TUBB8: variants seen among roughly 807,000 people sequenced by gnomAD.
TUBB8 encodes the protein tubulin beta 8 class VIII.
In TUBB8, 25 loss-of-function variants were observed where a neutral mutation model predicts 33.7. The observed-to-expected ratio is 0.74, with a 90% confidence interval of 0.54 to 1.04. The LOEUF is 1.04. Among genes scored for constraint, TUBB8 ranks in the 50% least tolerant of loss-of-function variants. TUBB8 has a pLI of 0.00. For synonymous variants in TUBB8, 245 were observed against 240.1 expected, an observed-to-expected ratio of 1.02 and a Z score of -0.19; for missense variants, 279 against 608.0, an observed-to-expected ratio of 0.46 and a Z score of 5.69.
At position 47,641 on chromosome 10, in the gene TUBB8, G is replaced by T. The variant is rs782167952; in HGVS notation, c.751C>A (p.Arg251=). 2.4e-5 allele frequency: 39 copies of T among 1,609,196 alleles called. No homozygotes were observed. Among genetic ancestry groups the T allele is most frequent in the Non-Finnish European group, 3.0e-5 (35 of 1,178,916 alleles). ...GGGACCATGTTCACGGCCAGCTTCC[G>T]CAGGTCAGCATTCAGCTGGCCCGGG... The part of the protein sequence containing the change: ...RFPGQLNADL[R]KLAVNMVPFP... The change falls in exon 4 of 4, where the codon CGG becomes AGG. Residue 251 remains arginine, a synonymous_variant. Coordinates refer to ENST00000568584, the MANE Select transcript of TUBB8 (RefSeq NM_177987.3).
intron 1 of TUBB8, among the ~76,000 whole-genome samples, chr10:69,444 T>A (rs1337837110): frequency 1.1e-4 from 17 of 152,240 alleles, no homozygotes; most frequent in African/African-American, 3.9e-4. Flanking sequence ...AAGTTAATAA[T>A]GTGGTTTTTC....
At chr10:55,213 G>C (rs528372406) in intron 1 of TUBB8, among the ~76,000 whole-genome samples, 2 of 152,322 alleles carry the variant, frequency 1.3e-5, no homozygotes, top group East Asian at 3.9e-4. Flanking sequence ...AGGGGGAAGA[G>C]CCCCTTATAA....
intron 1 of TUBB8, among the ~76,000 whole-genome samples, chr10:69,640 C>G (rs1427019503): frequency 2.6e-5 from 4 of 152,072 alleles, no homozygotes; most frequent in Non-Finnish European, 5.9e-5. Flanking sequence ...TAAGAACACA[C>G]TGGGCCGGGC....
At chr10:72,814 T>C (rs1834755574) in intron 1 of TUBB8, among the ~76,000 whole-genome samples, 1 of 148,992 alleles carries the variant, frequency 6.7e-6, no homozygotes, top group South Asian at 2.1e-4. Context: ...CTCACGCCAC[T>C]GCACTCCAGC....
At chr10:67,626 G>C (rs1374711479) in intron 1 of TUBB8, among the ~76,000 whole-genome samples, 2 of 152,110 alleles carry the variant, frequency 1.3e-5, no homozygotes, top group African/African-American at 2.4e-5. Context: ...GGGTTTCACC[G>C]TGTTAGCCAG....
chr10:49,433 C>G (rs1834435937), upstream of TUBB8: 1 of 711,788 alleles, frequency 1.4e-6, no homozygotes, highest in South Asian at 1.5e-5. Context: ...CGCTGAACAT[C>G]TGTTGGAAAG....
In TUBB8 at chr10:47,618, G is replaced by A. The variant is rs782370452; in HGVS notation, c.774C>T (p.Val258=). The part of the protein sequence containing the change: ...ADLRKLAVNM[V]PFPRLHFFMP... Reference sequence around the variant, plus strand: ...TGAAGAAATGCAGCCGGGGAAACGGGACCATGTTCACGGCCAGCTTCCGCA... The same window carrying A: ...TGAAGAAATGCAGCCGGGGAAACGGAACCATGTTCACGGCCAGCTTCCGCA... The change falls in exon 4 of 4, where the codon GTC becomes GTT. Residue 258 remains valine (V), a synonymous_variant. Transcript: ENST00000568584. 9.9e-6 allele frequency: 16 copies of A among 1,611,128 alleles called. No individual in the cohort carries two copies. Among genetic ancestry groups the A allele is most frequent in the East Asian group, 2.2e-5 (1 of 44,850 alleles).
At chr10:49,466 T>C (rs112568555), upstream of TUBB8, 137 of 674,646 alleles carry the variant, frequency 2.0e-4, 1 homozygote, top group Middle Eastern at 2.3e-3. Flanking sequence ...TGCGTGGTCC[T>C]TTCCACGTTG....
At chr10:63,769 T>A (rs1834631981) in intron 1 of TUBB8, among the ~76,000 whole-genome samples, 1 of 152,250 alleles carries the variant, frequency 6.6e-6, no homozygotes, top group Non-Finnish European at 1.5e-5. Flanking sequence ...CATATCTCTA[T>A]TTTTCCAGGA....
chr10:66,544 G>A (rs545909237), intron 1 of TUBB8, among the ~76,000 whole-genome samples: 2 of 152,344 alleles, frequency 1.3e-5, no homozygotes, highest in Admixed American at 1.3e-4. Context: ...AGTTACTCGG[G>A]TGACAGAGGA....
chr10:68,322 C>T (rs537342179), intron 1 of TUBB8, among the ~76,000 whole-genome samples: 2 of 152,310 alleles, frequency 1.3e-5, no homozygotes, highest in South Asian at 2.1e-4. Context: ...ACTCATAAGA[C>T]TGATGGGACA....
At chr10:57,605 G>A (rs112059373) in intron 1 of TUBB8, among the ~76,000 whole-genome samples, 2 of 150,110 alleles carry the variant, frequency 1.3e-5, no homozygotes, top group Admixed American at 6.6e-5. Flanking sequence ...AGTTGTAACT[G>A]GGCCAATTTG....
upstream of TUBB8, among the ~76,000 whole-genome samples, chr10:51,337 C>T (rs1834466549): frequency 6.6e-6 from 1 of 152,136 alleles, no homozygotes; most frequent in Non-Finnish European, 1.5e-5. Flanking sequence ...TCAATCTCCT[C>T]ACCTCAGGTC....
chr10:51,550 G>A (rs1834468705), upstream of TUBB8, among the ~76,000 whole-genome samples: 2 of 152,178 alleles, frequency 1.3e-5, no homozygotes, highest in Non-Finnish European at 2.9e-5. Flanking sequence ...AAATTACCCA[G>A]CCTCAGATAT....
chr10:49,848 T>A, upstream of TUBB8: 1 of 272,858 alleles, frequency 3.7e-6, no homozygotes, highest in Non-Finnish European at 7.2e-6. Context: ...GACTGTGGTC[T>A]CCAGCAGAGT....
chr10:63,957 G>A (rs1228089427), intron 1 of TUBB8, among the ~76,000 whole-genome samples: 1 of 152,170 alleles, frequency 6.6e-6, no homozygotes, highest in Non-Finnish European at 1.5e-5. Context: ...AGTGTTCAAA[G>A]AGACTTAGGT....
intron 1 of TUBB8, among the ~76,000 whole-genome samples, chr10:65,229 T>C (rs1834655507): frequency 6.6e-6 from 1 of 152,220 alleles, no homozygotes; most frequent in Non-Finnish European, 1.5e-5. Context: ...GACCCAGACC[T>C]CATCATACTC....
intron 1 of TUBB8, among the ~76,000 whole-genome samples, chr10:71,923 ATC>A (rs1834741560): frequency 7.3e-6 from 1 of 136,472 alleles, no homozygotes; most frequent in African/African-American, 2.9e-5. Context: ...AAAAAAAAAA[ATC>A]AATCAATAAA....
intron 3 of TUBB8, 188 bp from the exon 4 acceptor site, chr10:48,302 G>C (rs1834397032): frequency 2.9e-6 from 2 of 696,640 alleles, no homozygotes; most frequent in South Asian, 3.5e-5. Context: ...ATTAAGACAG[G>C]AGTCAAACCT....
Sources: gnomAD v4.1 joint callset for allele counts (sites outside exome capture counted in the v4.1 genomes callset) on GRCh38, gnomAD v4.1.1 for gene constraint, MANE v1.5 for transcripts, NCBI Gene and HGNC (gene_info 2026-07-23, HGNC 2026-07-21) for gene names.